Variants in ZNF503 observed in about 807,000 individuals in gnomAD.
ZNF503 encodes zinc finger protein 503.
In ZNF503, 15 loss-of-function variants were observed where a neutral mutation model predicts 34.4. That is an observed-to-expected ratio of 0.44 (90% CI 0.29 to 0.67). The LOEUF (loss-of-function observed/expected upper bound fraction) is 0.67. ZNF503 is among the 30% of genes least tolerant of loss of function. ZNF503 has a pLI of 0.13. For synonymous variants in ZNF503, 580 were observed against 456.8 expected, an observed-to-expected ratio of 1.27 and a Z score of -3.44; for missense variants, 1,007 against 926.8, an observed-to-expected ratio of 1.09 and a Z score of -1.12.
chr10:75,292,129 G>C, the ZNF503 span, among the ~76,000 whole-genome samples: 1 of 152,204 alleles, frequency 6.6e-6, no homozygotes, highest in Non-Finnish European at 1.5e-5. Context: ...GGTCACAGAG[G>C]GGACCATGGG....
the ZNF503 span, among the ~76,000 whole-genome samples, chr10:75,377,313 A>T: frequency 6.6e-6 from 1 of 152,228 alleles, no homozygotes; most frequent in Non-Finnish European, 1.5e-5. Context: ...CAAAATCTCC[A>T]GAGTTTCTTA....
chr10:75,307,603 T>C, the ZNF503 span, among the ~76,000 whole-genome samples: 1 of 152,232 alleles, frequency 6.6e-6, no homozygotes, highest in Non-Finnish European at 1.5e-5. Context: ...TCAACATAGA[T>C]GAAACAGCCT....
the ZNF503 span, among the ~76,000 whole-genome samples, chr10:75,333,596 C>T: frequency 1.1e-5 from 1 of 89,026 alleles, no homozygotes; most frequent in African/African-American, 5.7e-5. Flanking sequence ...CTGACCCCCC[C>T]ACCTTCCTCC....
At chr10:75,335,198 A>ATG in the ZNF503 span, among the ~76,000 whole-genome samples, 951 of 151,796 alleles carry the variant, frequency 6.3e-3, 12 homozygotes, top group African/African-American at 0.022. Flanking sequence ...ATAATTTAGA[A>ATG]TGTGTGTGTG....
the ZNF503 span, among the ~76,000 whole-genome samples, chr10:75,362,026 A>G: frequency 1.3e-5 from 2 of 152,196 alleles, no homozygotes; most frequent in East Asian, 3.9e-4. Flanking sequence ...AGCCCTTCCC[A>G]AGGCTGCAGT....
the ZNF503 span, among the ~76,000 whole-genome samples, chr10:75,384,272 C>G: frequency 6.6e-6 from 1 of 152,088 alleles, no homozygotes; most frequent in South Asian, 2.1e-4. Context: ...CATACACACA[C>G]TGATAATCTC....
chr10:75,307,289 A>G, the ZNF503 span, among the ~76,000 whole-genome samples: 6 of 152,240 alleles, frequency 3.9e-5, no homozygotes, highest in Non-Finnish European at 2.9e-5. Flanking sequence ...TGCTGATATG[A>G]AGAAAGTTTA....
chr10:75,393,868 A>G (rs1171263538), downstream of ZNF503, among the ~76,000 whole-genome samples: 1 of 152,212 alleles, frequency 6.6e-6, no homozygotes, highest in Non-Finnish European at 1.5e-5. Context: ...CAAAAAAAAT[A>G]AAATAAAACA....
the ZNF503 span, among the ~76,000 whole-genome samples, chr10:75,379,969 C>G: frequency 3.5e-4 from 54 of 152,170 alleles, no homozygotes; most frequent in Non-Finnish European, 7.4e-4. Context: ...CACAGCATGG[C>G]CTGCTCAGCA....
chr10:75,285,301 A>G, the ZNF503 span, among the ~76,000 whole-genome samples: 1 of 152,220 alleles, frequency 6.6e-6, no homozygotes, highest in Non-Finnish European at 1.5e-5. Context: ...AACCCATACC[A>G]TCTGGCTCCA....
chr10:75,319,158 G>T, the ZNF503 span, among the ~76,000 whole-genome samples: 1 of 152,062 alleles, frequency 6.6e-6, no homozygotes, highest in Non-Finnish European at 1.5e-5. Flanking sequence ...TAGAGACAGG[G>T]TTTTGCCATG....
the ZNF503 span, among the ~76,000 whole-genome samples, chr10:75,329,304 T>G: frequency 1.1e-4 from 17 of 152,136 alleles, no homozygotes; most frequent in African/African-American, 3.6e-4. Flanking sequence ...TCTAAGAGTT[T>G]TTTTGGTGGC....
At chr10:75,378,581 T>A in the ZNF503 span, among the ~76,000 whole-genome samples, 1 of 151,996 alleles carries the variant, frequency 6.6e-6, no homozygotes, top group East Asian at 1.9e-4. Context: ...TCCATCCTCA[T>A]CATTCAGAGG....
the ZNF503 span, among the ~76,000 whole-genome samples, chr10:75,385,743 T>C: frequency 6.6e-6 from 1 of 151,966 alleles, no homozygotes. Flanking sequence ...GTGAGAAGAG[T>C]ATATGGGATG....
the ZNF503 span, among the ~76,000 whole-genome samples, chr10:75,318,829 A>G: frequency 7.0e-4 from 106 of 152,260 alleles, no homozygotes; most frequent in East Asian, 3.1e-3. Context: ...ATGTAAAAAT[A>G]TAATAGGCTT....
chr10:75,369,620 C>T, the ZNF503 span, among the ~76,000 whole-genome samples: 3 of 152,206 alleles, frequency 2.0e-5, no homozygotes, highest in Non-Finnish European at 2.9e-5. Flanking sequence ...TCAGGCAATT[C>T]TTTATAGCAG....
the ZNF503 span, among the ~76,000 whole-genome samples, chr10:75,355,884 T>C: frequency 6.6e-6 from 1 of 152,168 alleles, no homozygotes; most frequent in Non-Finnish European, 1.5e-5. Context: ...TCAACTTTTG[T>C]GGGCTGGCAT....
chr10:75,393,528 T>C (rs1298853041), downstream of ZNF503, among the ~76,000 whole-genome samples: 2 of 152,164 alleles, frequency 1.3e-5, no homozygotes, highest in Non-Finnish European at 2.9e-5. Context: ...GGGGGTTCAT[T>C]ACACTATTCA....
In ZNF503 at chr10:75,400,072, C is replaced by T; in HGVS notation, c.618G>A (p.Ser206=). The T allele has an allele frequency of 4.5e-6, 7 of 1,559,956 alleles. No individual in the cohort carries two copies. The highest frequency in any genetic ancestry group is 6.1e-6 in the Non-Finnish European group (7 of 1,154,716). ...GGGGGGGGGV[S]SEKSGFRVPS... ...GTACCCGGAATCCCGACTTCTCCGA[C>T]GAAACACCCCCGCCGCCGCCCCCGC... Residue 206 remains serine (S), a synonymous_variant, in exon 2 of 2, where the codon TCG becomes TCA. Coordinates refer to ENST00000372524, the MANE Select transcript of ZNF503 (RefSeq NM_032772.6).
Sources: allele counts gnomAD v4.1 joint callset (sites outside exome capture counted in the v4.1 genomes callset), GRCh38; gene constraint gnomAD v4.1.1; transcripts MANE v1.5; gene names NCBI Gene and HGNC (gene_info 2026-07-23, HGNC 2026-07-21).